Variants in TENM4 observed in about 807,000 individuals in gnomAD.
The protein encoded by TENM4 is teneurin transmembrane protein 4.
TENM4 carries 82 observed loss-of-function variants against 243.3 expected under a neutral mutation model. That is an observed-to-expected ratio of 0.34 (90% CI 0.28 to 0.40). The LOEUF (loss-of-function observed/expected upper bound fraction) is 0.40, where lower values mean the gene tolerates loss of function less well. TENM4 is among the 10% of genes least tolerant of loss of function. TENM4 has a pLI of 1.00. For synonymous variants in TENM4, 1,412 were observed against 1,456.3 expected, an observed-to-expected ratio of 0.97 and a Z score of 0.69; for missense variants, 3,138 against 3,673.3, an observed-to-expected ratio of 0.85 and a Z score of 3.77.
chr11:79,185,769 C>T (rs1863370477), intron 3 of TENM4, among the ~76,000 whole-genome samples: 1 of 152,098 alleles, frequency 6.6e-6, no homozygotes, highest in Non-Finnish European at 1.5e-5. Context: ...AGTACATTGG[C>T]CTAGGAAGAA....
At chr11:79,090,210 A>C (rs1014262763) in intron 4 of TENM4, among the ~76,000 whole-genome samples, 1 of 152,256 alleles carries the variant, frequency 6.6e-6, no homozygotes, top group African/African-American at 2.4e-5. Flanking sequence ...CGTCTGCAAG[A>C]GGATTTCCCT....
intron 4 of TENM4, among the ~76,000 whole-genome samples, chr11:79,073,507 C>A (rs368908427): frequency 2.0e-4 from 30 of 152,314 alleles, no homozygotes; most frequent in African/African-American, 6.7e-4. Flanking sequence ...GCAGCTACTT[C>A]ATGTCTTCTT....
At chr11:78,847,968 G>T (rs1295213235) in intron 12 of TENM4, among the ~76,000 whole-genome samples, 2 of 152,214 alleles carry the variant, frequency 1.3e-5, no homozygotes, top group African/African-American at 4.8e-5. Context: ...GCACAGGCCA[G>T]TGTTCTTTGG....
At chr11:79,070,356 G>C (rs1860380868) in intron 4 of TENM4, among the ~76,000 whole-genome samples, 1 of 152,130 alleles carries the variant, frequency 6.6e-6, no homozygotes, top group Non-Finnish European at 1.5e-5. Context: ...ATCCCACATG[G>C]AGCAGGGCCT....
At chr11:79,388,142 T>C (rs992930812) in intron 1 of TENM4, among the ~76,000 whole-genome samples, 2 of 152,176 alleles carry the variant, frequency 1.3e-5, no homozygotes, top group Non-Finnish European at 2.9e-5. Context: ...TCACTGAGGT[T>C]AGAGCCAGGC....
intron 16 of TENM4, among the ~76,000 whole-genome samples, chr11:78,779,917 T>C (rs560989078): frequency 1.3e-5 from 2 of 152,368 alleles, no homozygotes; most frequent in Admixed American, 6.5e-5. Context: ...CATCACTATA[T>C]ATTAGCCTCA....
chr11:78,831,159 T>C (rs78342551), intron 12 of TENM4, among the ~76,000 whole-genome samples: 6,181 of 152,292 alleles, frequency 0.041, 406 homozygotes, highest in African/African-American at 0.14. Context: ...AACCCTACTA[T>C]GTGCCATGTG....
At chr11:78,909,450 G>T (rs1350225753) in intron 6 of TENM4, among the ~76,000 whole-genome samples, 1 of 152,218 alleles carries the variant, frequency 6.6e-6, no homozygotes, top group Non-Finnish European at 1.5e-5. Context: ...AATTGGTGGA[G>T]CCAGAATTTG....
chr11:78,903,739 C>A, intron 6 of TENM4: 1 of 782,940 alleles, frequency 1.3e-6, no homozygotes, highest in Non-Finnish European at 2.2e-6. Flanking sequence ...CAAAAATTCC[C>A]GTCCCCACTG....
intron 3 of TENM4, among the ~76,000 whole-genome samples, chr11:79,207,125 T>TG (rs1382428072): frequency 6.6e-6 from 1 of 151,748 alleles, no homozygotes. Flanking sequence ...AATGAGCCTG[T>TG]GGGGTCGGGG....
At chr11:79,266,011 T>G (rs1565275451) in intron 2 of TENM4, among the ~76,000 whole-genome samples, 1 of 152,198 alleles carries the variant, frequency 6.6e-6, no homozygotes, top group Non-Finnish European at 1.5e-5. Flanking sequence ...GGAAGCCCTA[T>G]CTGATTTCCC....
At chr11:78,810,984 C>T (rs1262659780) in intron 14 of TENM4, among the ~76,000 whole-genome samples, 2 of 152,082 alleles carry the variant, frequency 1.3e-5, no homozygotes, top group East Asian at 3.9e-4. Flanking sequence ...GTGAGTGGGG[C>T]GAAACAGGAA....
intron 1 of TENM4, among the ~76,000 whole-genome samples, chr11:79,437,206 C>G (rs1262391191): frequency 1.3e-5 from 2 of 152,220 alleles, no homozygotes; most frequent in African/African-American, 4.8e-5. Context: ...GTTTTTTGTG[C>G]TATGTGTGAC....
intron 2 of TENM4, among the ~76,000 whole-genome samples, chr11:79,260,195 C>G (rs949655823): frequency 1.3e-5 from 2 of 152,164 alleles, no homozygotes; most frequent in African/African-American, 4.8e-5. Flanking sequence ...CACTTTCAAT[C>G]ATTACTTAAC....
rs185132699 is a variant in TENM4, at chr11:78,804,315, C to T, written c.2179+977G>A. Among the ~76,000 whole-genome samples the T allele has an allele frequency of 1.9e-4, 29 of 152,262 alleles. No individual in the cohort carries two copies. The South Asian group carries it at 2.7e-3, about 14-fold the overall frequency. The stretch of plus-strand genomic sequence containing the variant: ...CCCCTTTCCCAGAATGCACACTCTA[C>T]GAAGGCAGGGGCTCTTTGGTCTCCA... On this transcript the variant is annotated intron_variant, in intron 15 of 33. Transcript: ENST00000278550.
chr11:78,722,085 G>A (rs997620050), intron 24 of TENM4, among the ~76,000 whole-genome samples: 10 of 152,300 alleles, frequency 6.6e-5, no homozygotes, highest in African/African-American at 2.4e-4. Flanking sequence ...ATATTGGTCA[G>A]TTGAAGGGAA....
intron 6 of TENM4, among the ~76,000 whole-genome samples, chr11:78,985,478 G>T (rs576708627): frequency 6.6e-6 from 1 of 152,130 alleles, no homozygotes; most frequent in Non-Finnish European, 1.5e-5. Flanking sequence ...CCTGATAGGC[G>T]TAAAATAGTT....
chr11:78,984,298 A>T (rs1857870421), intron 6 of TENM4, among the ~76,000 whole-genome samples: 2 of 152,220 alleles, frequency 1.3e-5, no homozygotes, highest in Non-Finnish European at 2.9e-5. Context: ...TATTTGGCAC[A>T]GAGCAAATAT....
chr11:79,170,939 C>G (rs964282227), intron 3 of TENM4, among the ~76,000 whole-genome samples: 1 of 152,098 alleles, frequency 6.6e-6, no homozygotes, highest in African/African-American at 2.4e-5. Context: ...CATAAGAGAA[C>G]CATCTGGACA....
Sources: allele counts gnomAD v4.1 joint callset (sites outside exome capture counted in the v4.1 genomes callset), GRCh38; gene constraint gnomAD v4.1.1; transcripts MANE v1.5; gene names NCBI Gene and HGNC (gene_info 2026-07-23, HGNC 2026-07-21).